MFN1: variants seen among roughly 807,000 people sequenced by gnomAD.
MFN1 encodes mitofusin-1.
Under a neutral mutation model 92.4 loss-of-function variants are expected in MFN1, and 65 were observed. That is an observed-to-expected ratio of 0.70 (90% CI 0.58 to 0.86). MFN1 has a LOEUF of 0.86. MFN1 is among the 40% of genes least tolerant of loss of function. The pLI is 0.00. For synonymous variants in MFN1, 297 were observed against 300.9 expected, an observed-to-expected ratio of 0.99 and a Z score of 0.13; for missense variants, 781 against 868.0, an observed-to-expected ratio of 0.90 and a Z score of 1.26.
At chr3:179,352,996 C>T (rs1712207418) in intron 3 of MFN1, among the ~76,000 whole-genome samples, 1 of 152,002 alleles carries the variant, frequency 6.6e-6, no homozygotes, top group African/African-American at 2.4e-5. Context: ...AGGTGATCCA[C>T]CCGCCTTGGC....
In MFN1 at chr3:179,379,922, A is replaced by T. The variant is rs144167985; in HGVS notation, c.1662+1108A>T. Among the ~76,000 whole-genome samples, 5 of 152,328 alleles carry T rather than the reference A, an allele frequency of 3.3e-5. No homozygotes were observed. In the East Asian group the frequency reaches 9.6e-4, roughly 29 times the overall value. ...AATGATGACAGAAGTTAATGAAAAAAACAAAAACACTGCAGAAAGTTAAAA... is the reference window on the plus strand; with the variant it reads ...AATGATGACAGAAGTTAATGAAAAATACAAAAACACTGCAGAAAGTTAAAA... On this transcript the variant is annotated intron_variant, in intron 14 of 17. Coordinates refer to ENST00000471841, the MANE Select transcript of MFN1 (RefSeq NM_033540.3).
chr3:179,385,450 CTCA>C, intron 14 of MFN1, 116 bp from the exon 15 acceptor site: 1 of 778,950 alleles, frequency 1.3e-6, no homozygotes, highest in East Asian at 2.7e-5. Context: ...TTGTGGTGTA[CTCA>C]TCATTTAGGG....
At chr3:179,357,913 A>G (rs1712405942) in intron 3 of MFN1, among the ~76,000 whole-genome samples, 1 of 152,078 alleles carries the variant, frequency 6.6e-6, no homozygotes, top group African/African-American at 2.4e-5. Flanking sequence ...ATGATCTTAA[A>G]TCTTCACTCA....
At chr3:179,370,364 T>C (rs1391910107) in intron 9 of MFN1, among the ~76,000 whole-genome samples, 1 of 148,930 alleles carries the variant, frequency 6.7e-6, no homozygotes, top group Non-Finnish European at 1.5e-5. Flanking sequence ...TTAATAAATA[T>C]CATTTTTGGG....
intron 11 of MFN1, 60 bp downstream of exon 11, chr3:179,377,228 T>C: frequency 1.3e-6 from 2 of 1,563,304 alleles, no homozygotes; most frequent in Non-Finnish European, 1.7e-6. Flanking sequence ...TTGATAATGC[T>C]AAAAATGTTA....
intron 3 of MFN1, among the ~76,000 whole-genome samples, chr3:179,358,150 GT>G (rs771740459): frequency 3.7e-4 from 44 of 119,688 alleles, no homozygotes; most frequent in Admixed American, 7.5e-4. Context: ...CACTCATTTT[GT>G]TTTTTTTTTT....
At chr3:179,371,380 G>A (rs1392558023) in intron 9 of MFN1, among the ~76,000 whole-genome samples, 1 of 151,698 alleles carries the variant, frequency 6.6e-6, no homozygotes, top group Non-Finnish European at 1.5e-5. Context: ...AGATATGATA[G>A]CTCATGACTA....
At chr3:179,354,328 A>G (rs1237472342) in intron 3 of MFN1, among the ~76,000 whole-genome samples, 2 of 152,260 alleles carry the variant, frequency 1.3e-5, no homozygotes, top group Non-Finnish European at 2.9e-5. Flanking sequence ...AAACAATAGC[A>G]AAAGAAGAGA....
In MFN1 at chr3:179,385,754, C is replaced by T. The variant is rs751476271; in HGVS notation, c.1815+33C>T. On this transcript the variant is annotated intron_variant, in intron 15 of 17. Coordinates refer to ENST00000471841, the MANE Select transcript of MFN1 (RefSeq NM_033540.3). ...ACATTACTTTTAGTATAATTAAAAT[C>T]GAAATGTTTGCAAGGCTGCCTGTTA... 1.0e-5 allele frequency: 16 copies of T among 1,599,736 alleles called. 1 individual carries two copies. The highest frequency in any genetic ancestry group is 7.8e-5 in the South Asian group (7 of 89,312).
chr3:179,372,713 C>T (rs1281070920), intron 9 of MFN1, among the ~76,000 whole-genome samples: 5 of 152,062 alleles, frequency 3.3e-5, no homozygotes, highest in South Asian at 2.1e-4. Context: ...TTTTCTGTCT[C>T]GTCTAGCTCT....
rs371280952 is a variant in MFN1 at position 179,381,136 on chromosome 3, A to G, written c.1662+2322A>G. Among the ~76,000 whole-genome samples, 356 of 152,310 alleles carry G rather than the reference A, an allele frequency of 2.3e-3. 2 individuals are homozygous for G. Among genetic ancestry groups the G allele is most frequent in the African/African-American group, 7.9e-3 (330 of 41,556 alleles). On this transcript the variant is annotated intron_variant, in intron 14 of 17. Coordinates refer to ENST00000471841, the MANE Select transcript of MFN1 (RefSeq NM_033540.3). Reference sequence around the variant, plus strand: ...ATGATTTCATTGACCTCGCAGAACAACTGCCTATAGGCAGCATGGTGATGG... The same window carrying G: ...ATGATTTCATTGACCTCGCAGAACAGCTGCCTATAGGCAGCATGGTGATGG...
chr3:179,385,624 A>G lies in MFN1; in HGVS notation c.1718A>G (p.Asp573Gly). Reference protein sequence around the residue: ...PTAPTTPATPDNASQEELMIT... With the variant: ...PTAPTTPATPGNASQEELMIT... ...GCTCCTACCACTCCAGCAACGCCAGATAATGCATCACAGGAAGAACTCATG... is the reference window on the plus strand; with the variant it reads ...GCTCCTACCACTCCAGCAACGCCAGGTAATGCATCACAGGAAGAACTCATG... Residue 573 changes from aspartate to glycine, a missense_variant, in exon 15 of 18, where the codon GAT (aspartate) becomes GGT (glycine). Physicochemically the swap from Asp to Gly is moderately conservative, Grantham distance 94. Coordinates refer to ENST00000471841, the MANE Select transcript of MFN1 (RefSeq NM_033540.3). 1 of 1,613,832 alleles carries G rather than the reference A, an allele frequency of 6.2e-7. No homozygotes were observed.
intron 3 of MFN1, among the ~76,000 whole-genome samples, chr3:179,355,718 G>C (rs750975513): frequency 6.6e-6 from 1 of 151,854 alleles, no homozygotes. Flanking sequence ...TTGGGAGGCC[G>C]AGGCAGGTGG....
chr3:179,381,837 A>T (rs1012650676), intron 14 of MFN1, among the ~76,000 whole-genome samples: 1 of 152,240 alleles, frequency 6.6e-6, no homozygotes, highest in Non-Finnish European at 1.5e-5. Flanking sequence ...ATAGCTCATT[A>T]TATCTATGAA....
At chr3:179,387,798 G>A (rs1357855901) in intron 16 of MFN1, among the ~76,000 whole-genome samples, 3 of 147,630 alleles carry the variant, frequency 2.0e-5, no homozygotes, top group African/African-American at 7.5e-5. Flanking sequence ...GCACGATCTC[G>A]GCTCACCACA....
chr3:179,352,103 G>A (rs1712172769), intron 3 of MFN1, 68 bp downstream of exon 3: 22 of 1,470,316 alleles, frequency 1.5e-5, no homozygotes, highest in Non-Finnish European at 2.0e-5. Flanking sequence ...GTTTCAACAA[G>A]TAATATTTCT....
intron 3 of MFN1, among the ~76,000 whole-genome samples, chr3:179,352,720 A>C (rs1047037756): frequency 2.0e-5 from 3 of 151,246 alleles, no homozygotes; most frequent in African/African-American, 4.9e-5. Flanking sequence ...TCCAGATTAT[A>C]ATCTTTATTT....
intron 4 of MFN1, 148 bp downstream of exon 4, chr3:179,359,150 C>T (rs1444171719): frequency 1.3e-5 from 13 of 995,480 alleles, no homozygotes; most frequent in African/African-American, 5.0e-5. Context: ...GACGGAATTT[C>T]GCTCTTGTCG....
chr3:179,392,057 T>C lies in MFN1; in HGVS notation c.2224T>C (p.Ter742GlnextTer2). 2 of 1,602,354 alleles carry C rather than the reference T, an allele frequency of 1.2e-6. No homozygotes were observed. Among genetic ancestry groups the C allele is most frequent in the Non-Finnish European group, 1.7e-6 (2 of 1,170,966 alleles). Reference protein sequence around the residue: ...QFLPSSNEES* With the variant: ...QFLPSSNEESQ ...TCTACCTTCAAGCAATGAAGAATCCTAACAATAGAGATTGCTTTGGTGACC... is the reference window on the plus strand; with the variant it reads ...TCTACCTTCAAGCAATGAAGAATCCCAACAATAGAGATTGCTTTGGTGACC... Residue 742 changes from the stop codon to glutamine (Q), a stop_lost, in exon 18 of 18, where the codon TAA (stop) becomes CAA (glutamine). Coordinates refer to ENST00000471841, the MANE Select transcript of MFN1 (RefSeq NM_033540.3).
Sources: gnomAD v4.1 joint callset for allele counts (sites outside exome capture counted in the v4.1 genomes callset) on GRCh38, gnomAD v4.1.1 for gene constraint, MANE v1.5 for transcripts, NCBI Gene and HGNC (gene_info 2026-07-23, HGNC 2026-07-21) for gene names.